DACH2: variants seen among roughly 807,000 people sequenced by gnomAD.
The protein encoded by DACH2 is dachshund homolog 2.
DACH2 carries 17 observed loss-of-function variants against 35.8 expected under a neutral mutation model. That is an observed-to-expected ratio of 0.48 (90% confidence interval 0.33 to 0.71). DACH2 has a LOEUF of 0.71. DACH2 is among the 30% of genes least tolerant of loss of function. DACH2 has a pLI of 0.02. For missense variants in DACH2, 469 were observed against 472.7 expected (o/e 0.99, Z 0.07); for synonymous variants, 195 against 177.3 (o/e 1.10, Z -0.79).
At chrX:86,209,074 G>A (rs1214904706) in intron 1 of DACH2, among the ~76,000 whole-genome samples, 1 of 111,613 alleles carries the variant, frequency 9.0e-6, no homozygotes, top group Non-Finnish European at 1.9e-5. Flanking sequence ...GAGACCTTGG[G>A]CACATCAGCT....
intron 3 of DACH2, among the ~76,000 whole-genome samples, chrX:86,523,272 A>G (rs2038584188): frequency 9.0e-6 from 1 of 110,808 alleles, no homozygotes; most frequent in Non-Finnish European, 1.9e-5. Flanking sequence ...TGTGAATTCA[A>G]TCTCATAATA....
At chrX:86,490,567 G>A (rs2038080398) in intron 2 of DACH2, among the ~76,000 whole-genome samples, 1 of 111,353 alleles carries the variant, frequency 9.0e-6, no homozygotes, top group Non-Finnish European at 1.9e-5. Context: ...GGCCACCTTT[G>A]TTCAATTCTG....
At chrX:86,818,586 T>C (rs2042475670) in intron 11 of DACH2, among the ~76,000 whole-genome samples, 1 of 111,589 alleles carries the variant, frequency 9.0e-6, no homozygotes, top group South Asian at 3.7e-4. Context: ...TTTTGTGACA[T>C]TTTGATACTG....
chrX:86,241,168 C>T (rs751578235), intron 1 of DACH2, among the ~76,000 whole-genome samples: 6 of 111,545 alleles, frequency 5.4e-5, no homozygotes, highest in East Asian at 5.7e-4. Flanking sequence ...CAGAAGAAGA[C>T]GGGGAGATGT....
At chrX:86,585,843 T>C (rs2039563452) in intron 3 of DACH2, among the ~76,000 whole-genome samples, 1 of 111,658 alleles carries the variant, frequency 9.0e-6, no homozygotes, top group Admixed American at 9.5e-5. Context: ...TTGCATATCT[T>C]TGCTATTGTG....
intron 2 of DACH2, among the ~76,000 whole-genome samples, chrX:86,417,089 CAAAAAA>C (rs386417185): frequency 2.6e-4 from 6 of 23,034 alleles, no homozygotes; most frequent in Admixed American, 8.2e-4. Context: ...GACTCCATCT[CAAAAAA>C]AAAAAAAAAA....
At chrX:86,567,336 A>G (rs926726553) in intron 3 of DACH2, among the ~76,000 whole-genome samples, 24 of 111,515 alleles carry the variant, frequency 2.2e-4, no homozygotes, top group Admixed American at 3.8e-4. Context: ...TTTCGAACAG[A>G]GGATACTGGA....
intron 1 of DACH2, among the ~76,000 whole-genome samples, chrX:86,278,197 T>C (rs934931616): frequency 1.8e-5 from 2 of 112,059 alleles, no homozygotes; most frequent in Non-Finnish European, 3.8e-5. Flanking sequence ...TGAGATGAAC[T>C]GAAAACTTCA....
intron 2 of DACH2, among the ~76,000 whole-genome samples, chrX:86,480,793 C>A (rs1252320980): frequency 1.8e-5 from 2 of 111,775 alleles, no homozygotes; most frequent in African/African-American, 6.5e-5. Flanking sequence ...TGTATTCCAG[C>A]TAATGGTTAA....
chrX:86,449,324 T>A (rs2037323567), intron 2 of DACH2, among the ~76,000 whole-genome samples: 1 of 97,570 alleles, frequency 1.0e-5, no homozygotes. Flanking sequence ...TTTAGTTATT[T>A]GTTGCCTTCT....
chrX:86,714,794 C>T, intron 6 of DACH2, 74 bp downstream of exon 6: 1 of 944,628 alleles, frequency 1.1e-6, no homozygotes, highest in Non-Finnish European at 1.4e-6. Flanking sequence ...TACAATCCCA[C>T]TGGATCTTCA....
At chrX:86,356,034 T>G (rs188077992) in intron 1 of DACH2, among the ~76,000 whole-genome samples, 1 of 111,790 alleles carries the variant, frequency 8.9e-6, no homozygotes, top group Admixed American at 9.5e-5. Flanking sequence ...TTTAATATAA[T>G]ATTTGGTCCA....
chrX:86,180,202 A>T (rs1040429225), intron 1 of DACH2, among the ~76,000 whole-genome samples: 13 of 89,030 alleles, frequency 1.5e-4, no homozygotes, highest in African/African-American at 5.3e-4. Context: ...ATATATATAT[A>T]TATATGGTTC....
At chrX:86,192,276 T>C (rs1424751240) in intron 1 of DACH2, among the ~76,000 whole-genome samples, 2 of 112,335 alleles carry the variant, frequency 1.8e-5, no homozygotes, top group Non-Finnish European at 3.8e-5. Flanking sequence ...TATTACCTCC[T>C]TGAAATCAGT....
intron 7 of DACH2, among the ~76,000 whole-genome samples, chrX:86,800,635 G>T (rs757331507): frequency 1.8e-5 from 2 of 111,627 alleles, no homozygotes; most frequent in African/African-American, 6.5e-5. Flanking sequence ...AAATTTTCAG[G>T]TGAGAAGCAA....
intron 2 of DACH2, among the ~76,000 whole-genome samples, chrX:86,405,688 A>G (rs1190179512): frequency 2.7e-5 from 3 of 111,292 alleles, no homozygotes; most frequent in Admixed American, 9.6e-5. Flanking sequence ...CCAGTTCCAA[A>G]ATCACTTCCA....
chrX:86,282,502 T>A (rs1381856921), intron 1 of DACH2, among the ~76,000 whole-genome samples: 1 of 111,174 alleles, frequency 9.0e-6, no homozygotes, highest in Non-Finnish European at 1.9e-5. Flanking sequence ...AAAAATTAAC[T>A]TAAAATGGAT....
intron 7 of DACH2, among the ~76,000 whole-genome samples, chrX:86,789,182 T>C (rs984934317): frequency 1.8e-5 from 2 of 112,177 alleles, no homozygotes; most frequent in African/African-American, 6.5e-5. Context: ...AATGGTTAAA[T>C]TGTAGAGGCT....
intron 2 of DACH2, among the ~76,000 whole-genome samples, chrX:86,393,172 A>G: frequency 9.0e-6 from 1 of 111,225 alleles, no homozygotes; most frequent in East Asian, 2.9e-4. Context: ...CTCATTATCA[A>G]TTCAATTACC....
Sources: allele counts gnomAD v4.1 joint callset (sites outside exome capture counted in the v4.1 genomes callset), GRCh38; gene constraint gnomAD v4.1.1; transcripts MANE v1.5; gene names NCBI Gene and HGNC (gene_info 2026-07-23, HGNC 2026-07-21).